The following TPRG1 variants were observed in gnomAD, a reference collection of about 807,000 sequenced individuals.
The protein encoded by TPRG1 is tumor protein p63-regulated gene 1 protein.
TPRG1 carries 29 observed loss-of-function variants against 29.3 expected under a neutral mutation model. The observed-to-expected ratio is 0.99, with a 90% CI of 0.74 to 1.35. The LOEUF is 1.35. Ranked by LOEUF, TPRG1 falls within the 40% of genes most tolerant of loss-of-function variation. The probability of loss-of-function intolerance (pLI) is 0.00; values close to 1 mark genes in which losing one functional copy is unlikely to be tolerated. For synonymous variants in TPRG1, 130 were observed against 116.8 expected (o/e 1.11, Z -0.73); for missense variants, 327 against 335.0 (o/e 0.98, Z 0.19).
At chr3:189,076,693 G>A (rs972145261) in intron 4 of TPRG1, among the ~76,000 whole-genome samples, 1 of 151,820 alleles carries the variant, frequency 6.6e-6, no homozygotes, top group African/African-American at 2.4e-5. Context: ...GATCATTACT[G>A]GGAGTGATAA....
At chr3:189,096,909 T>C (rs1718717142), upstream of TPRG1, among the ~76,000 whole-genome samples, 1 of 152,206 alleles carries the variant, frequency 6.6e-6, no homozygotes, top group Non-Finnish European at 1.5e-5. Context: ...CTCTCTCTCT[T>C]TTTTGCTACC....
chr3:189,260,691 A>T (rs1440496561), intron 4 of TPRG1, among the ~76,000 whole-genome samples: 1 of 152,188 alleles, frequency 6.6e-6, no homozygotes, highest in Non-Finnish European at 1.5e-5. Flanking sequence ...CATAGAAGGG[A>T]TAGGCCATGC....
intron 1 of TPRG1, chr3:189,190,851 C>T (rs1257712968): frequency 9.0e-6 from 4 of 442,816 alleles, no homozygotes; most frequent in Non-Finnish European, 1.2e-5. Flanking sequence ...GATCCATATT[C>T]CTACTCCCCT....
chr3:189,088,152 A>G (rs926206319), intron 4 of TPRG1, among the ~76,000 whole-genome samples: 1 of 152,174 alleles, frequency 6.6e-6, no homozygotes, highest in Admixed American at 6.5e-5. Context: ...ATATTCTTCC[A>G]TTTGTTTGTT....
Position 189,310,463 on chromosome 3 carries a change from C to T in TPRG1, c.557C>T (p.Ser186Phe). 6.2e-7 allele frequency: 1 copy of T among 1,612,564 alleles called. No individual in the cohort carries two copies. Among genetic ancestry groups the T allele is most frequent in the Non-Finnish European group, 8.5e-7 (1 of 1,179,362 alleles). ...QSLLSRWNPW[S>F]TEVPYATFTE... ...CTTCTGTCCCGCTGGAACCCATGGT[C>T]CACTGAAGTTCCTTATGCTACTTTC... is the stretch of plus-strand genomic sequence containing the variant. Residue 186 changes from serine to phenylalanine, a missense_variant, in exon 5 of 6, where the codon TCC becomes TTC. Coordinates refer to ENST00000345063, the MANE Select transcript of TPRG1 (RefSeq NM_198485.4).
intron 4 of TPRG1, among the ~76,000 whole-genome samples, chr3:189,086,814 A>G (rs1468364383): frequency 4.6e-5 from 7 of 152,190 alleles, no homozygotes; most frequent in African/African-American, 1.7e-4. Context: ...AGCTTCATCC[A>G]TGTCCCTACA....
intron 1 of TPRG1, among the ~76,000 whole-genome samples, chr3:189,191,494 A>G (rs1001466363): frequency 6.6e-6 from 1 of 152,020 alleles, no homozygotes; most frequent in Non-Finnish European, 1.5e-5. Context: ...TCTTCCTGGC[A>G]TCTTGTAGAA....
upstream of TPRG1, among the ~76,000 whole-genome samples, chr3:189,096,924 C>A (rs1446688980): frequency 1.3e-5 from 2 of 152,148 alleles, no homozygotes; most frequent in Non-Finnish European, 1.5e-5. Flanking sequence ...GCTACCACAT[C>A]AAAACTTAAC....
chr3:189,005,726 A>G (rs1052467088), intron 3 of TPRG1, among the ~76,000 whole-genome samples: 5 of 152,222 alleles, frequency 3.3e-5, no homozygotes, highest in African/African-American at 7.2e-5. Context: ...TCTTTCTTGA[A>G]AGGAGTCATC....
chr3:189,081,549 T>A (rs1484866467), intron 4 of TPRG1, among the ~76,000 whole-genome samples: 2 of 152,088 alleles, frequency 1.3e-5, no homozygotes, highest in Non-Finnish European at 2.9e-5. Flanking sequence ...AGAAAAAAAG[T>A]ATGGTCACAA....
In TPRG1 at chr3:189,311,171, C is replaced by T. The variant is rs550220993; in HGVS notation, c.633+632C>T. Among the ~76,000 whole-genome samples the T allele has an allele frequency of 3.3e-5, 5 of 152,220 alleles. No homozygotes were observed. The East Asian group carries it at 5.8e-4, about 18-fold the overall frequency. ...CCTCCCCCAGGCATCTAAAGCAGAA[C>T]GGGGGCATTCTAAGTAGTCAAGAAG... On this transcript the variant is annotated intron_variant, in intron 5 of 5. Coordinates refer to ENST00000345063, the MANE Select transcript of TPRG1 (RefSeq NM_198485.4).
At chr3:189,107,330 C>T (rs978653307) in intron 1 of TPRG1, among the ~76,000 whole-genome samples, 10 of 151,964 alleles carry the variant, frequency 6.6e-5, no homozygotes, top group African/African-American at 1.9e-4. Context: ...CATCTGAACA[C>T]GTTTATATAT....
chr3:189,290,547 G>A (rs536468105), intron 4 of TPRG1, among the ~76,000 whole-genome samples: 2 of 152,328 alleles, frequency 1.3e-5, no homozygotes, highest in South Asian at 2.1e-4. Context: ...GTTTTCCATC[G>A]ATGAAATCAG....
At chr3:189,277,748 T>C (rs2109118061) in intron 4 of TPRG1, among the ~76,000 whole-genome samples, 1 of 152,326 alleles carries the variant, frequency 6.6e-6, no homozygotes, top group East Asian at 1.9e-4. Flanking sequence ...AATCCATGAA[T>C]TCAAATGTAT....
intron 3 of TPRG1, among the ~76,000 whole-genome samples, chr3:189,016,151 C>T (rs1280835203): frequency 6.6e-6 from 1 of 152,072 alleles, no homozygotes; most frequent in Non-Finnish European, 1.5e-5. Flanking sequence ...GCCTTGGGAA[C>T]CCATCCCTGG....
At chr3:189,024,594 G>A (rs1011781616) in intron 4 of TPRG1, among the ~76,000 whole-genome samples, 5 of 152,076 alleles carry the variant, frequency 3.3e-5, no homozygotes, top group African/African-American at 9.7e-5. Context: ...TTGTCCAGAC[G>A]GTTTGGACTC....
intron 1 of TPRG1, chr3:189,120,287 C>G (rs1021654399): frequency 6.6e-5 from 10 of 152,152 alleles, no homozygotes; most frequent in African/African-American, 2.4e-4. Context: ...AGAACCGCCA[C>G]CACTGAATTT....
intron 4 of TPRG1, among the ~76,000 whole-genome samples, chr3:189,047,326 T>C (rs564165937): frequency 7.9e-5 from 12 of 152,336 alleles, no homozygotes; most frequent in Admixed American, 2.6e-4. Context: ...GTCTATTAAG[T>C]GTACAATAGC....
intron 4 of TPRG1, among the ~76,000 whole-genome samples, chr3:189,277,806 G>A (rs1365171854): frequency 1.3e-5 from 2 of 152,164 alleles, no homozygotes; most frequent in Non-Finnish European, 2.9e-5. Flanking sequence ...TCACTATTAT[G>A]TTAGCTGGCA....
Sources: allele counts gnomAD v4.1 joint callset (sites outside exome capture counted in the v4.1 genomes callset), GRCh38; gene constraint gnomAD v4.1.1; transcripts MANE v1.5; gene names NCBI Gene and HGNC (gene_info 2026-07-23, HGNC 2026-07-21).